HIP1: variants seen among roughly 807,000 people sequenced by gnomAD.
HIP1 encodes the protein huntingtin interacting protein 1.
In HIP1, 65 loss-of-function variants were observed where a neutral mutation model predicts 147.6. The observed-to-expected ratio is 0.44, with a 90% CI of 0.36 to 0.54. The LOEUF (loss-of-function observed/expected upper bound fraction) is 0.54, where lower values mean the gene tolerates loss of function less well. Ranked by LOEUF, HIP1 falls within the 20% of genes least tolerant of loss-of-function variation. The pLI is 0.00. For synonymous variants in HIP1, 479 were observed against 504.0 expected (o/e 0.95, Z 0.67); for missense variants, 1,061 against 1,299.6 (o/e 0.82, Z 2.82).
chr7:75,533,306 C>T lies in HIP1; in HGVS notation c.*4866G>A, dbSNP rs1281373025. 8 of 203,778 alleles carry T rather than the reference C, an allele frequency of 3.9e-5. No homozygotes were observed. The highest frequency in any genetic ancestry group is 1.9e-4 in the South Asian group (1 of 5,258). 12.6% of individuals were successfully genotyped at this position (203,778 alleles called of 1,614,324 possible). On this transcript the variant is annotated 3_prime_UTR_variant, in exon 31 of 31. Transcript: ENST00000336926. ...ATCACCACCACGCTCCATTGCCAGG[C>T]GGAAATATTTATTTGAAAAATTGAA...
intron 22 of HIP1, among the ~76,000 whole-genome samples, chr7:75,550,730 T>C (rs1414310470): frequency 6.6e-6 from 1 of 152,182 alleles, no homozygotes; most frequent in Non-Finnish European, 1.5e-5. Context: ...ATTATTATTA[T>C]TTTTTAATTC....
At chr7:75,575,267 C>A (rs1270637646) in intron 7 of HIP1, among the ~76,000 whole-genome samples, 1 of 152,138 alleles carries the variant, frequency 6.6e-6, no homozygotes, top group Non-Finnish European at 1.5e-5. Flanking sequence ...TCGAGACCAG[C>A]CTGGCCAACA....
intron 1 of HIP1, among the ~76,000 whole-genome samples, chr7:75,685,109 A>C (rs933749594): frequency 2.6e-5 from 4 of 152,028 alleles, no homozygotes; most frequent in South Asian, 2.1e-4. Flanking sequence ...TAAATAAATA[A>C]AAATAAAAAA....
At chr7:75,736,585 C>A (rs188750368) in intron 1 of HIP1, among the ~76,000 whole-genome samples, 1 of 152,222 alleles carries the variant, frequency 6.6e-6, no homozygotes, top group East Asian at 1.9e-4. Context: ...AATATACACA[C>A]TGTTTCATGG....
At chr7:75,570,833 CCT>C (rs1389314065) in intron 8 of HIP1, among the ~76,000 whole-genome samples, 1 of 151,564 alleles carries the variant, frequency 6.6e-6, no homozygotes, top group Non-Finnish European at 1.5e-5. Flanking sequence ...AGGATGAAAC[CCT>C]GTCTCTACTA....
intron 1 of HIP1, among the ~76,000 whole-genome samples, chr7:75,639,419 G>T (rs1347851717): frequency 6.6e-6 from 1 of 151,666 alleles, no homozygotes; most frequent in African/African-American, 2.4e-5. Flanking sequence ...AGACCGGGAG[G>T]CGGGTTCCCG....
intron 1 of HIP1, among the ~76,000 whole-genome samples, chr7:75,622,154 G>A (rs782319494): frequency 2.0e-5 from 3 of 151,890 alleles, no homozygotes; most frequent in African/African-American, 4.8e-5. Context: ...GGTGGTGCAC[G>A]CCACCCAGCT....
At chr7:75,706,483 A>AT (rs1416497325) in intron 1 of HIP1, among the ~76,000 whole-genome samples, 37 of 79,852 alleles carry the variant, frequency 4.6e-4, no homozygotes, top group East Asian at 2.3e-3. Context: ...CTTTTTTTTT[A>AT]TTTTTTTTTT....
At chr7:75,570,513 G>C (rs797036802) in intron 8 of HIP1, among the ~76,000 whole-genome samples, 38 of 143,644 alleles carry the variant, frequency 2.6e-4, no homozygotes, top group African/African-American at 9.5e-4. Flanking sequence ...GGATGGTCTC[G>C]ATCTCCTGAC....
chr7:75,533,605 C>T lies in HIP1; in HGVS notation c.*4567G>A, dbSNP rs1554487994. 4.3e-6 allele frequency: 1 copy of T among 232,534 alleles called. No individual in the cohort carries two copies. Among genetic ancestry groups the T allele is most frequent in the Non-Finnish European group, 8.5e-6 (1 of 117,662 alleles). 14.4% of individuals were successfully genotyped at this position (232,534 alleles called of 1,614,324 possible). On this transcript the variant is annotated 3_prime_UTR_variant, in exon 31 of 31. Coordinates refer to ENST00000336926, the MANE Select transcript of HIP1 (RefSeq NM_005338.7). Reference sequence around the variant, plus strand: ...TTATCACCAAGATGTAACCGAACCCCCTCGGTTTGTCCCTATGAGTGGTAA... The same window carrying T: ...TTATCACCAAGATGTAACCGAACCCTCTCGGTTTGTCCCTATGAGTGGTAA...
chr7:75,602,681 T>C (rs1159463749), intron 1 of HIP1, among the ~76,000 whole-genome samples: 2 of 151,844 alleles, frequency 1.3e-5, no homozygotes, highest in African/African-American at 4.8e-5. Context: ...GAATATGTTC[T>C]TAAATTCATA....
intron 1 of HIP1, among the ~76,000 whole-genome samples, chr7:75,695,849 A>G (rs1049809576): frequency 1.1e-4 from 16 of 151,896 alleles, no homozygotes; most frequent in Non-Finnish European, 1.8e-4. Flanking sequence ...TGCTGGGATT[A>G]CAGGCATGAG....
intron 1 of HIP1, among the ~76,000 whole-genome samples, chr7:75,737,891 C>T (rs191676502): frequency 2.6e-4 from 39 of 152,244 alleles, no homozygotes; most frequent in South Asian, 4.2e-4. Flanking sequence ...TTAAAAGAAG[C>T]GTTGTACTCT....
chr7:75,549,021 G>A lies in HIP1; in HGVS notation c.2296-20C>T. The A allele has an allele frequency of 6.4e-7, 1 of 1,557,108 alleles. No homozygotes were observed. Among genetic ancestry groups the A allele is most frequent in the Non-Finnish European group, 8.9e-7 (1 of 1,128,084 alleles). On this transcript the variant is annotated intron_variant, in intron 22 of 30. Transcript: ENST00000336926. ...GAGCTCCTGTGAACACATCACAAAG[G>A]CTGAACTGACCTTGGGGCCTCCTGT...
chr7:75,585,139 C>G (rs1796205646), intron 5 of HIP1, among the ~76,000 whole-genome samples: 1 of 150,972 alleles, frequency 6.6e-6, no homozygotes, highest in Non-Finnish European at 1.5e-5. Context: ...TGTGAGCCAC[C>G]ACATCCAGCT....
intron 1 of HIP1, among the ~76,000 whole-genome samples, chr7:75,613,102 C>CAT (rs1797505363): frequency 6.6e-6 from 1 of 151,460 alleles, no homozygotes; most frequent in East Asian, 1.9e-4. Context: ...CACACACACA[C>CAT]ACACATGCAC....
At chr7:75,737,555 AG>A (rs1203709122) in intron 1 of HIP1, among the ~76,000 whole-genome samples, 1 of 152,042 alleles carries the variant, frequency 6.6e-6, no homozygotes, top group Non-Finnish European at 1.5e-5. Flanking sequence ...CATGTTGGCC[AG>A]GCTGGTCTCA....
At chr7:75,649,323 C>A (rs1554511592) in intron 1 of HIP1, among the ~76,000 whole-genome samples, 1 of 152,198 alleles carries the variant, frequency 6.6e-6, no homozygotes, top group African/African-American at 2.4e-5. Context: ...TGCAGCTGGT[C>A]TGGAACATTT....
At chr7:75,648,731 G>T (rs1363817468) in intron 1 of HIP1, among the ~76,000 whole-genome samples, 1 of 152,130 alleles carries the variant, frequency 6.6e-6, no homozygotes, top group African/African-American at 2.4e-5. Context: ...AGAGACATGA[G>T]ACGTGCTGTG....
Sources: allele counts gnomAD v4.1 joint callset (sites outside exome capture counted in the v4.1 genomes callset), GRCh38; gene constraint gnomAD v4.1.1; transcripts MANE v1.5; gene names NCBI Gene and HGNC (gene_info 2026-07-23, HGNC 2026-07-21).